The following DNAH11 variants were observed in gnomAD, a reference collection of about 807,000 sequenced individuals.
DNAH11 encodes dynein axonemal heavy chain 11.
Under a neutral mutation model 526.0 loss-of-function variants are expected in DNAH11, and 442 were observed. The ratio of observed to expected loss-of-function variants is 0.84; its 90% CI spans 0.78 to 0.91. DNAH11 has a LOEUF of 0.91. Ranked by LOEUF, DNAH11 falls within the 40% of genes least tolerant of loss-of-function variation. DNAH11 has a pLI of 0.00. For synonymous variants in DNAH11, 2,461 were observed against 1,935.9 expected, an observed-to-expected ratio of 1.27 and a Z score of -7.12; for missense variants, 6,989 against 5,448.7, an observed-to-expected ratio of 1.28 and a Z score of -8.90.
At chr7:21,609,518 C>A (rs1275908750) in intron 20 of DNAH11, among the ~76,000 whole-genome samples, 2 of 151,940 alleles carry the variant, frequency 1.3e-5, no homozygotes, top group Admixed American at 1.3e-4. Flanking sequence ...CTGTGCCCGG[C>A]CATAACTGGG....
chr7:21,575,804 C>T (rs1784069124), intron 8 of DNAH11, among the ~76,000 whole-genome samples: 1 of 152,166 alleles, frequency 6.6e-6, no homozygotes, highest in Non-Finnish European at 1.5e-5. Context: ...TCTGCTTTTG[C>T]ATTAATAGCA....
chr7:21,686,720 ACTTCT>A (rs1452934014), intron 32 of DNAH11, among the ~76,000 whole-genome samples: 31 of 152,230 alleles, frequency 2.0e-4, no homozygotes, highest in African/African-American at 7.2e-4. Flanking sequence ...ATCATCTAAG[ACTTCT>A]CTTCTACTTT....
At position 21,592,581 on chromosome 7, in the gene DNAH11, A is replaced by G. The variant is rs562575876; in HGVS notation, c.2667+1004A>G. Among the ~76,000 whole-genome samples the G allele has an allele frequency of 3.9e-4, 59 of 152,262 alleles. 1 individual carries two copies. In the South Asian group the frequency reaches 0.012, roughly 30 times the overall value. On this transcript the variant is annotated intron_variant, in intron 14 of 81. Transcript: ENST00000409508. The stretch of plus-strand genomic sequence containing the variant: ...AGAGCAGCCAGAGACTTTCTGCTCA[A>G]AGGCTTTCCCTGTGGAGGGTAAGCC...
At chr7:21,685,690 A>G (rs1783343257) in intron 32 of DNAH11, among the ~76,000 whole-genome samples, 1 of 152,160 alleles carries the variant, frequency 6.6e-6, no homozygotes, top group Admixed American at 6.6e-5. Context: ...CTGCTGTTAG[A>G]TATTCCAAAC....
chr7:21,682,198 T>G (rs1783170942), intron 31 of DNAH11, among the ~76,000 whole-genome samples: 1 of 152,188 alleles, frequency 6.6e-6, no homozygotes. Context: ...ATTTTCTAAT[T>G]CTTTTAGTAT....
At chr7:21,630,597 G>C (rs1398891822) in intron 25 of DNAH11, among the ~76,000 whole-genome samples, 1 of 152,138 alleles carries the variant, frequency 6.6e-6, no homozygotes, top group Non-Finnish European at 1.5e-5. Flanking sequence ...CAGTATTCTT[G>C]GTTAGTAGGG....
chr7:21,844,625 T>A (rs1039596754), intron 66 of DNAH11, among the ~76,000 whole-genome samples: 2 of 151,842 alleles, frequency 1.3e-5, no homozygotes, highest in African/African-American at 4.8e-5. Flanking sequence ...AAACTGGGGG[T>A]CCTGGAACAG....
intron 76 of DNAH11, among the ~76,000 whole-genome samples, chr7:21,885,185 A>AAAC (rs1784083520): frequency 6.8e-6 from 1 of 147,744 alleles, no homozygotes; most frequent in Non-Finnish European, 1.5e-5. Context: ...AAAAAAAAAA[A>AAAC]AAACACACAC....
intron 65 of DNAH11, among the ~76,000 whole-genome samples, chr7:21,840,288 T>C (rs1782155431): frequency 6.6e-6 from 1 of 152,248 alleles, no homozygotes; most frequent in African/African-American, 2.4e-5. Flanking sequence ...TTCAGTGAAA[T>C]AACATCTCAC....
intron 65 of DNAH11, among the ~76,000 whole-genome samples, chr7:21,834,347 A>G (rs1781908318): frequency 6.6e-6 from 1 of 152,208 alleles, no homozygotes; most frequent in South Asian, 2.1e-4. Context: ...ACACAGCAAA[A>G]GCAGTTCTAA....
At chr7:21,871,792 C>A (rs1250410826) in intron 73 of DNAH11, among the ~76,000 whole-genome samples, 2 of 151,948 alleles carry the variant, frequency 1.3e-5, no homozygotes, top group Non-Finnish European at 2.9e-5. Flanking sequence ...GGGTCCTAAT[C>A]CCTTCTTCTC....
At chr7:21,663,350 A>T (rs1247144532) in intron 30 of DNAH11, among the ~76,000 whole-genome samples, 5 of 152,070 alleles carry the variant, frequency 3.3e-5, no homozygotes, top group Non-Finnish European at 7.4e-5. Context: ...TGGTAATGGG[A>T]TTGCTGGGTC....
chr7:21,876,291 C>T (rs1166354378), intron 74 of DNAH11, among the ~76,000 whole-genome samples: 1 of 152,170 alleles, frequency 6.6e-6, no homozygotes, highest in Admixed American at 6.5e-5. Flanking sequence ...ACTAAATAAT[C>T]TTCTCATCAA....
chr7:21,810,534 T>A (rs909928355), intron 63 of DNAH11, among the ~76,000 whole-genome samples: 3 of 151,980 alleles, frequency 2.0e-5, no homozygotes, highest in Admixed American at 1.3e-4. Flanking sequence ...AGGAGAACAG[T>A]TTTGAGGAGA....
chr7:21,559,669 A>T lies in DNAH11; in HGVS notation c.759A>T (p.Gln253His). Reference sequence around the variant, plus strand: ...CTGTGGTTATTGAATGGTCACATCAAATCCAAGAAATTATAGAAAGAGATT... The same window carrying T: ...CTGTGGTTATTGAATGGTCACATCATATCCAAGAAATTATAGAAAGAGATT... ...IESVVIEWSH[Q>H]IQEIIERDSV... is the part of the protein sequence containing the mutation. Residue 253 changes from glutamine (Q) to histidine (H), a missense_variant, in exon 4 of 82, where the codon CAA (glutamine) becomes CAT (histidine). Coordinates refer to ENST00000409508, the MANE Select transcript of DNAH11 (RefSeq NM_001277115.2). The T allele has an allele frequency of 6.2e-7, 1 of 1,612,208 alleles. No individual in the cohort carries two copies. The highest frequency in any genetic ancestry group is 2.2e-5 in the East Asian group (1 of 44,798).
At chr7:21,720,428 CTTT>C (rs35946379) in intron 43 of DNAH11, among the ~76,000 whole-genome samples, 7 of 141,104 alleles carry the variant, frequency 5.0e-5, no homozygotes, top group Non-Finnish European at 6.2e-5. Context: ...AATATGTACC[CTTT>C]TTTTTTTTTG....
At chr7:21,895,339 A>G (rs1218721986) in intron 79 of DNAH11, among the ~76,000 whole-genome samples, 4 of 152,210 alleles carry the variant, frequency 2.6e-5, no homozygotes, top group Non-Finnish European at 5.9e-5. Flanking sequence ...TGGCCATGGA[A>G]AGCAACTTGA....
intron 66 of DNAH11, among the ~76,000 whole-genome samples, chr7:21,844,280 G>A (rs1226510962): frequency 6.6e-6 from 1 of 152,130 alleles, no homozygotes; most frequent in Admixed American, 6.5e-5. Context: ...CAAAAAATTA[G>A]CCAAGTGTGG....
At chr7:21,811,290 C>A (rs571798400) in intron 63 of DNAH11, among the ~76,000 whole-genome samples, 16 of 151,636 alleles carry the variant, frequency 1.1e-4, no homozygotes, top group South Asian at 4.2e-4. Flanking sequence ...TGGTGAAACC[C>A]CCCCCCCTAC....
Sources: allele counts gnomAD v4.1 joint callset (sites outside exome capture counted in the v4.1 genomes callset), GRCh38; gene constraint gnomAD v4.1.1; transcripts MANE v1.5; gene names NCBI Gene and HGNC (gene_info 2026-07-23, HGNC 2026-07-21).